DMPK: variants seen among roughly 807,000 people sequenced by gnomAD.
DMPK encodes the protein myotonin-protein kinase.
In DMPK, 32 loss-of-function variants were observed where a neutral mutation model predicts 70.3. That is an observed-to-expected ratio of 0.46 (90% CI 0.34 to 0.61). DMPK has a LOEUF of 0.61. Among genes scored for constraint, DMPK ranks in the 20% least tolerant of loss-of-function variants. The pLI, the probability that DMPK is intolerant of heterozygous loss-of-function variation, is 0.01. For synonymous variants in DMPK, 469 were observed against 390.9 expected (o/e 1.20, Z -2.36); for missense variants, 899 against 886.0 (o/e 1.01, Z -0.19).
At position 45,782,183 on chromosome 19, in the gene DMPK, A is replaced by G. The variant is rs1202390584; in HGVS notation, c.160+10T>C. ...CCCCATCTGCAGGAGCCCCGAGGGT[A>G]GGCACTCACCCCACTGCAAGAAGTC... On this transcript the variant is annotated intron_variant, in intron 1 of 14. Coordinates refer to ENST00000291270, the MANE Select transcript of DMPK (RefSeq NM_004409.5). 4.2e-6 allele frequency: 5 copies of G among 1,176,736 alleles called. No individual in the cohort carries two copies. Among genetic ancestry groups the G allele is most frequent in the Non-Finnish European group, 5.4e-6 (5 of 919,796 alleles). 72.9% of individuals were successfully genotyped at this position (1,176,736 alleles called of 1,614,324 possible).
intron 1 of DMPK, chr19:45,780,743 G>A (rs571114682): frequency 1.0e-4 from 47 of 449,934 alleles, no homozygotes; most frequent in Admixed American, 8.3e-4. Flanking sequence ...GTTCCGGGGG[G>A]TTCCGGGAGA....
At position 45,779,761 on chromosome 19, in the gene DMPK, C is replaced by T. The variant is rs2146258203; in HGVS notation, c.252+17G>A. On this transcript the variant is annotated intron_variant, in intron 2 of 14. Transcript: ENST00000291270. ...CCCACCACGAGTCAAGTCAGGCTCC[C>T]GCCCGGTTCGGCTTACCTCGCTGAA... is the stretch of plus-strand genomic sequence containing the variant. The T allele has an allele frequency of 1.3e-6, 2 of 1,545,918 alleles. No homozygotes were observed. Among genetic ancestry groups the T allele is most frequent in the Non-Finnish European group, 8.7e-7 (1 of 1,146,222 alleles).
Position 45,777,310 on chromosome 19 carries a change from G to A in DMPK, c.1146+17C>T, listed in dbSNP as rs761618825. 8 of 1,544,512 alleles carry A rather than the reference G, an allele frequency of 5.2e-6. No homozygotes were observed. The highest frequency in any genetic ancestry group is 5.0e-5 in the South Asian group (4 of 80,462). Reference sequence around the variant, plus strand: ...TGGGGAGGTTCCCGCAGCCGAGCAGGGGCCACAGGTACCTACCCCGCCCCC... The same window carrying A: ...TGGGGAGGTTCCCGCAGCCGAGCAGAGGCCACAGGTACCTACCCCGCCCCC... On this transcript the variant is annotated intron_variant, in intron 8 of 14. Transcript: ENST00000291270. This position sits in a 1 kb window ranked among gnomAD's most constrained non-coding sequence, Gnocchi z 6.7.
At chr19:45,774,559 G>A (rs989697609) in intron 9 of DMPK, among the ~76,000 whole-genome samples, 9 of 152,248 alleles carry the variant, frequency 5.9e-5, no homozygotes, top group East Asian at 3.9e-4. Context: ...ACCGCGGCCC[G>A]CCTAAATTAA....
rs771380204 is a variant in DMPK at position 45,779,541 on chromosome 19, G to A, written c.253-19C>T. 1.2e-5 allele frequency: 19 copies of A among 1,613,240 alleles called. No homozygotes were observed. The highest frequency in any genetic ancestry group is 1.4e-5 in the Non-Finnish European group (17 of 1,179,686). On this transcript the variant is annotated intron_variant, in intron 2 of 14. Transcript: ENST00000291270. ...CCGCTACCTGAGGTCGAGATAGTGA[G>A]ACAGAGTGGAGACGGCGGGAAAACA...
At chr19:45,770,711 G>A in intron 14 of DMPK, 71 bp from the exon 15 acceptor site, 13 of 1,493,766 alleles carry the variant, frequency 8.7e-6, no homozygotes, top group Non-Finnish European at 1.2e-5. Context: ...CCCCGCCTAC[G>A]CCCATAGGTG....
At chr19:45,772,226 G>A (rs1047098216) in intron 10 of DMPK, 11 of 429,862 alleles carry the variant, frequency 2.6e-5, no homozygotes, top group South Asian at 8.7e-5. Flanking sequence ...ATGCCCTCAC[G>A]ACAAAAGGCC....
In DMPK at chr19:45,779,772, G is replaced by C. The variant is rs1970013377; in HGVS notation, c.252+6C>G. The C allele has an allele frequency of 6.4e-7, 1 of 1,553,048 alleles. No homozygotes were observed. The highest frequency in any genetic ancestry group is 8.7e-7 in the Non-Finnish European group (1 of 1,148,436). ...TCAAGTCAGGCTCCCGCCCGGTTCG[G>C]CTTACCTCGCTGAACGCCCCGCGTC... On this transcript the variant is annotated splice_donor_region_variant and intron_variant, in intron 2 of 14. Coordinates refer to ENST00000291270, the MANE Select transcript of DMPK (RefSeq NM_004409.5).
chr19:45,778,918 C>T (rs1007362714), intron 4 of DMPK: 3 of 563,524 alleles, frequency 5.3e-6, no homozygotes, highest in Non-Finnish European at 9.5e-6. Flanking sequence ...AACCCAGAGG[C>T]CACCCAACAC....
intron 1 of DMPK, chr19:45,780,077 G>T: frequency 6.6e-7 from 1 of 1,508,168 alleles, no homozygotes; most frequent in Non-Finnish European, 8.9e-7. Flanking sequence ...AGATGCCTGA[G>T]AAGCCCTTTG....
rs1258979834 is a variant in DMPK at position 45,771,791 on chromosome 19, C to G, written c.1482G>C (p.Thr494=). The change falls in exon 11 of 15, where the codon ACG becomes ACC. Residue 494 remains threonine (T), a synonymous_variant. Transcript: ENST00000291270. ...SLSREMEAIR[T]DNQNFASQLR... ...CCGACCTGGCGAAGTTCTGGTTGTCCGTGCGGATGGCCTCCATCTCCCGGC... is the reference window on the plus strand; with the variant it reads ...CCGACCTGGCGAAGTTCTGGTTGTCGGTGCGGATGGCCTCCATCTCCCGGC... 1 of 1,569,018 alleles carries G rather than the reference C, an allele frequency of 6.4e-7. No homozygotes were observed. The highest frequency in any genetic ancestry group is 1.2e-5 in the South Asian group (1 of 86,326).
Position 45,770,385 on chromosome 19 carries a change from T to A in DMPK, c.*103A>T. 1 of 1,415,408 alleles carries A rather than the reference T, an allele frequency of 7.1e-7. No homozygotes were observed. The highest frequency in any genetic ancestry group is 2.0e-5 in the Admixed American group (1 of 50,410). The allele number at this position is 1,415,408 out of a possible 1,614,324, so 87.7% of individuals were successfully genotyped here. A position where few individuals can be genotyped will look rare whatever the true frequency, so the allele number is the denominator to read the frequency against. On this transcript the variant is annotated 3_prime_UTR_variant, in exon 15 of 15. Transcript: ENST00000291270. The stretch of plus-strand genomic sequence containing the variant: ...ACTGGAGCTGGGCGGAGACCCACGC[T>A]CGGAGCGGTTGTGAACTGGCAGGCG...
chr19:45,777,368 A>C lies in DMPK; in HGVS notation c.1105T>G (p.Leu369Val). ...EGATDTCNFD[L>V]VEDGLTAMVS... ...ATGGCAGTGAGCCCGTCCTCCACCA[A>C]GTCGAAGTTGCATGTGTCGGTGGCA... is the stretch of plus-strand genomic sequence containing the variant. The change falls in exon 8 of 15, where the codon TTG becomes GTG. Residue 369 changes from leucine (L) to valine (V), a missense_variant. Leu to Val is a conservative substitution (Grantham distance 32, BLOSUM62 1). Transcript: ENST00000291270. This position sits in a 1 kb window ranked among gnomAD's most constrained non-coding sequence, Gnocchi z 6.7. 1 of 1,604,998 alleles carries C rather than the reference A, an allele frequency of 6.2e-7. No homozygotes were observed. Among genetic ancestry groups the C allele is most frequent in the Non-Finnish European group, 8.5e-7 (1 of 1,174,392 alleles).
At chr19:45,770,934 C>A in intron 14 of DMPK, 37 bp downstream of exon 14, 1 of 1,371,508 alleles carries the variant, frequency 7.3e-7, no homozygotes, top group South Asian at 1.5e-5. Flanking sequence ...GAGCGCGGGG[C>A]GCGACGGCGG....
In DMPK at chr19:45,774,952, A is replaced by C. The variant is rs1402005910; in HGVS notation, c.1229T>G (p.Leu410Arg). ...FVGYSYSCMALRDSEVPGPTP... is the reference protein window; with the variant it reads ...FVGYSYSCMARRDSEVPGPTP... ...GGCCGTCCAGGGCAGTGCTTACCTG[A>C]GGGCCATGCAGGAGTAGGAGTAGCC... The change falls in exon 9 of 15, where the codon CTC becomes CGC. Residue 410 changes from leucine to arginine, a missense_variant. Transcript: ENST00000291270. The C allele has an allele frequency of 6.2e-7, 1 of 1,613,634 alleles. No homozygotes were observed.
intron 9 of DMPK, 27 bp downstream of exon 9, chr19:45,774,922 C>A: frequency 6.2e-7 from 1 of 1,601,862 alleles, no homozygotes; most frequent in Non-Finnish European, 8.6e-7. Flanking sequence ...CTCGTGGCCC[C>A]TGGAGGCCGT....
chr19:45,780,466 G>A (rs763021104), intron 1 of DMPK: 1 of 1,232,786 alleles, frequency 8.1e-7, no homozygotes, highest in African/African-American at 1.6e-5. Context: ...CCATCTCTCA[G>A]TCCTCCAGGA....
intron 13 of DMPK, 27 bp from the exon 14 acceptor site, chr19:45,771,087 G>C (rs1302087839): frequency 2.7e-6 from 4 of 1,503,132 alleles, no homozygotes; most frequent in Non-Finnish European, 9.0e-7. Context: ...CAGGTGACCC[G>C]ATCGGAGCCC....
intron 4 of DMPK, chr19:45,779,036 A>C: frequency 1.7e-6 from 1 of 599,936 alleles, no homozygotes; most frequent in Non-Finnish European, 3.0e-6. Context: ...AGACATCTTT[A>C]TAAGAGTCCC....
Sources: gnomAD v4.1 joint callset for allele counts (sites outside exome capture counted in the v4.1 genomes callset) on GRCh38, gnomAD v4.1.1 for gene constraint, Gnocchi (gnomAD v3.1) non-coding constraint, MANE v1.5 for transcripts, NCBI Gene and HGNC (gene_info 2026-07-23, HGNC 2026-07-21) for gene names.